The following EDC3 variants were observed in gnomAD, a reference collection of about 807,000 sequenced individuals.
EDC3 encodes the protein enhancer of mRNA-decapping protein 3.
Under a neutral mutation model 41.8 loss-of-function variants are expected in EDC3, and 20 were observed. The ratio of observed to expected loss-of-function variants is 0.48; its 90% CI spans 0.34 to 0.70. The LOEUF (loss-of-function observed/expected upper bound fraction) is 0.70, where lower values mean the gene tolerates loss of function less well. Among genes scored for constraint, EDC3 ranks in the 30% least tolerant of loss-of-function variants. The probability of loss-of-function intolerance (pLI) is 0.01; values close to 1 mark genes in which losing one functional copy is unlikely to be tolerated. For synonymous variants in EDC3, 206 were observed against 243.2 expected, an observed-to-expected ratio of 0.85 and a Z score of 1.42; for missense variants, 444 against 636.8, an observed-to-expected ratio of 0.70 and a Z score of 3.26.
chr15:74,676,085 T>C (rs2062804664), intron 1 of EDC3, among the ~76,000 whole-genome samples: 2 of 152,026 alleles, frequency 1.3e-5, no homozygotes. Context: ...AAATTTGAAA[T>C]TGATAAAAAT....
intron 5 of EDC3, chr15:74,638,963 GAGAC>G (rs1195379328): frequency 2.0e-5 from 3 of 146,498 alleles, no homozygotes; most frequent in Non-Finnish European, 4.5e-5. Flanking sequence ...AAAAAAAAAA[GAGAC>G]AGACAAAGTC....
intron 1 of EDC3, among the ~76,000 whole-genome samples, chr15:74,692,012 G>A (rs1476911166): frequency 2.6e-5 from 4 of 151,974 alleles, no homozygotes; most frequent in Non-Finnish European, 4.4e-5. Flanking sequence ...GTAGAGGCGG[G>A]GTTTCACTGT....
At chr15:74,687,616 G>C (rs1233843897) in intron 1 of EDC3, among the ~76,000 whole-genome samples, 1 of 152,180 alleles carries the variant, frequency 6.6e-6, no homozygotes, top group Non-Finnish European at 1.5e-5. Flanking sequence ...GCCTTCTGGT[G>C]ATCTGCTCAC....
In EDC3 at chr15:74,652,505, G is replaced by A. The variant is rs186982475; in HGVS notation, c.820+3228C>T. ...AGCCCCCCAAAGTGCTGGGATTACA[G>A]GCATGAGCCACTGCGCCTGGCCTTT... On this transcript the variant is annotated intron_variant, in intron 4 of 6. Coordinates refer to ENST00000315127, the MANE Select transcript of EDC3 (RefSeq NM_025083.5). Among the ~76,000 whole-genome samples, 7 of 152,266 alleles carry A rather than the reference G, an allele frequency of 4.6e-5. No individual in the cohort carries two copies. The East Asian group carries it at 9.7e-4, about 21-fold the overall frequency.
intron 4 of EDC3, chr15:74,642,021 G>A (rs1256867370): frequency 2.0e-5 from 3 of 152,174 alleles, no homozygotes; most frequent in African/African-American, 7.2e-5. Context: ...CACTGGTCCT[G>A]TCGGGAGAAA....
intron 4 of EDC3, among the ~76,000 whole-genome samples, chr15:74,653,994 T>C (rs2062512909): frequency 6.6e-6 from 1 of 152,058 alleles, no homozygotes; most frequent in South Asian, 2.1e-4. Context: ...GGCTCACACC[T>C]GTAATCCCAG....
rs10582490 is a variant in EDC3, at chr15:74,660,414, AATAT to A, written c.485-4350_485-4347del. On this transcript the variant is annotated intron_variant, in intron 3 of 6. Transcript: ENST00000315127. ...GACAGAGTGAGACTCCGTCTCCAAAAATATATATATATATATATATGTGTGTGTG... is the reference window on the plus strand; with the variant it reads ...GACAGAGTGAGACTCCGTCTCCAAAAATATATATATATATATGTGTGTGTG... 9.8e-3 allele frequency among the ~76,000 whole-genome samples: 1,424 copies of A among 144,644 alleles called. 24 individuals are homozygous for A. Among genetic ancestry groups the A allele is most frequent in the African/African-American group, 0.03 (1,192 of 39,392 alleles). The allele number at this position is 144,644 out of a possible 152,430, so 94.9% of individuals were successfully genotyped here.
intron 1 of EDC3, among the ~76,000 whole-genome samples, chr15:74,684,084 G>GTTTTTTTTTTTTTTTTT (rs58548595): frequency 1.9e-5 from 2 of 103,056 alleles, no homozygotes; most frequent in African/African-American, 3.7e-5. Context: ...TTTTGTTTCT[G>GTTTTTTTTTTTTTTTTT]TTTTTTTTTT....
At chr15:74,652,760 T>C (rs1221392653) in intron 4 of EDC3, among the ~76,000 whole-genome samples, 1 of 151,978 alleles carries the variant, frequency 6.6e-6, no homozygotes, top group African/African-American at 2.4e-5. Flanking sequence ...TTCTATTGTT[T>C]GTAGAGACAG....
intron 4 of EDC3, among the ~76,000 whole-genome samples, chr15:74,653,164 A>G (rs1173895549): frequency 6.7e-6 from 1 of 149,462 alleles, no homozygotes; most frequent in African/African-American, 2.5e-5. Flanking sequence ...TGCAGCCTGG[A>G]TGACAAAACA....
At chr15:74,688,838 C>T (rs564343304) in intron 1 of EDC3, among the ~76,000 whole-genome samples, 82 of 147,350 alleles carry the variant, frequency 5.6e-4, no homozygotes, top group African/African-American at 2.0e-3. Context: ...ACTGGGGAGG[C>T]GGAGGTTGCA....
chr15:74,636,817 C>T (rs781582216), intron 5 of EDC3: 2 of 152,202 alleles, frequency 1.3e-5, no homozygotes, highest in Non-Finnish European at 2.9e-5. Context: ...GAGAATTGCT[C>T]CCTTCAGAGG....
intron 4 of EDC3, among the ~76,000 whole-genome samples, chr15:74,652,464 G>A (rs964466126): frequency 6.6e-5 from 10 of 152,084 alleles, no homozygotes; most frequent in Admixed American, 2.0e-4. Context: ...TCCTGACCTC[G>A]TGATCCACAC....
rs1187348846 is a variant in EDC3 at position 74,632,670 on chromosome 15, C to G, written c.1469G>C (p.Gly490Ala). The change falls in exon 7 of 7, where the codon GGC becomes GCC. Residue 490 changes from glycine (G) to alanine (A), a missense_variant. Physicochemically the swap from Gly to Ala is moderately conservative, Grantham distance 60. This residue lies in a region of EDC3 where 242 missense variants were observed against 363.8 expected (regional missense o/e 0.67). Transcript: ENST00000315127. This position sits in a 1 kb window ranked among gnomAD's most constrained non-coding sequence, Gnocchi z 4.0. Reference sequence around the variant, plus strand: ...GCCAAAGGGCGAGTGGTAGTTGATGCCCACCTCCTGGAAGACCTGCTGGGG... The same window carrying G: ...GCCAAAGGGCGAGTGGTAGTTGATGGCCACCTCCTGGAAGACCTGCTGGGG... Reference protein sequence around the residue: ...GIPQQVFQEVGINYHSPFGCK... With the variant: ...GIPQQVFQEVAINYHSPFGCK... 2 of 1,613,966 alleles carry G rather than the reference C, an allele frequency of 1.2e-6. No homozygotes were observed. The highest frequency in any genetic ancestry group is 2.2e-5 in the East Asian group (1 of 44,890).
At chr15:74,695,127 C>T (rs539557450) in intron 1 of EDC3, among the ~76,000 whole-genome samples, 1 of 152,280 alleles carries the variant, frequency 6.6e-6, no homozygotes, top group Admixed American at 6.5e-5. Flanking sequence ...TTCTGGGTCG[C>T]GAGTTCCTCA....
intron 1 of EDC3, among the ~76,000 whole-genome samples, chr15:74,694,018 T>G (rs1270158990): frequency 6.6e-6 from 1 of 152,004 alleles, no homozygotes; most frequent in African/African-American, 2.4e-5. Context: ...ATAAATGCCT[T>G]GCTAAAATTC....
intron 1 of EDC3, among the ~76,000 whole-genome samples, chr15:74,685,447 A>G (rs575606854): frequency 6.6e-6 from 1 of 151,872 alleles, no homozygotes; most frequent in African/African-American, 2.4e-5. Flanking sequence ...TGTGTGTGTC[A>G]CCCCACTAGA....
At chr15:74,656,703 G>A (rs2062553027) in intron 3 of EDC3, among the ~76,000 whole-genome samples, 1 of 152,148 alleles carries the variant, frequency 6.6e-6, no homozygotes, top group Non-Finnish European at 1.5e-5. Context: ...CTGAGACTGT[G>A]GCCCAAAGTG....
chr15:74,632,475 TA>T lies in EDC3; in HGVS notation c.*136del, dbSNP rs1362978896. On this transcript the variant is annotated 3_prime_UTR_variant, in exon 7 of 7. Coordinates refer to ENST00000315127, the MANE Select transcript of EDC3 (RefSeq NM_025083.5). This position sits in a 1 kb window ranked among gnomAD's most constrained non-coding sequence, Gnocchi z 4.0. Reference sequence around the variant, plus strand: ...GAGCAAGTGACAGGTCAGTTTTAAGTAAGTTCTGTTCTCTCACAGAAGAAAC... The same window carrying T: ...GAGCAAGTGACAGGTCAGTTTTAAGTAGTTCTGTTCTCTCACAGAAGAAAC... 1 of 1,062,500 alleles carries T rather than the reference TA, an allele frequency of 9.4e-7. No homozygotes were observed. The highest frequency in any genetic ancestry group is 1.6e-5 in the African/African-American group (1 of 62,642). 65.8% of individuals were successfully genotyped at this position (1,062,500 alleles called of 1,614,324 possible).
Sources: gnomAD v4.1 joint callset for allele counts (sites outside exome capture counted in the v4.1 genomes callset) on GRCh38, gnomAD v4.1.1 for gene constraint, gnomAD v4.1.1 regional missense constraint, Gnocchi (gnomAD v3.1) non-coding constraint, MANE v1.5 for transcripts, NCBI Gene and HGNC (gene_info 2026-07-23, HGNC 2026-07-21) for gene names.